The following PCMT1 variants were observed in gnomAD, a reference collection of about 807,000 sequenced individuals.
PCMT1 encodes protein-L-isoaspartate(D-aspartate) O-methyltransferase.
In PCMT1, 9 loss-of-function variants were observed where a neutral mutation model predicts 29.2. The ratio of observed to expected loss-of-function variants is 0.31; its 90% confidence interval spans 0.19 to 0.54. PCMT1 has a LOEUF of 0.54. Ranked by LOEUF, PCMT1 falls within the 20% of genes least tolerant of loss-of-function variation. The pLI is 0.95. For missense variants in PCMT1, 184 were observed against 282.2 expected, an observed-to-expected ratio of 0.65 and a Z score of 2.49; for synonymous variants, 98 against 97.5, an observed-to-expected ratio of 1.00 and a Z score of -0.03.
At chr6:149,806,616 GTC>G (rs1016547112) in intron 7 of PCMT1, among the ~76,000 whole-genome samples, 2 of 152,098 alleles carry the variant, frequency 1.3e-5, no homozygotes, top group African/African-American at 2.4e-5. Context: ...TTTTGATACA[GTC>G]TCTCTCTGTC....
chr6:149,774,536 GTC>G (rs1787474628), intron 3 of PCMT1, among the ~76,000 whole-genome samples: 1 of 111,670 alleles, frequency 9.0e-6, no homozygotes, highest in Non-Finnish European at 1.7e-5. Context: ...ACTGGGCCCA[GTC>G]TTTTTTTTTT....
chr6:149,793,401 A>G, intron 4 of PCMT1, 148 bp from the exon 5 acceptor site: 1 of 486,922 alleles, frequency 2.1e-6, no homozygotes, highest in Non-Finnish European at 3.2e-6. Context: ...AATTTATGAT[A>G]AACTGAGTGT....
rs542049163 is a variant in PCMT1, at chr6:149,764,127, GAA to G, written c.56-7034_56-7033del. 5.9e-5 allele frequency among the ~76,000 whole-genome samples: 9 copies of G among 152,286 alleles called. No individual in the cohort carries two copies. In the South Asian group the frequency reaches 1.9e-3, roughly 32 times the overall value. On this transcript the variant is annotated intron_variant, in intron 1 of 7. Transcript: ENST00000464889. ...GATTTGAATTAATTTCAGGGGAAAT[GAA>G]CCACTCAAGAATTATTTTGGGAAAT...
intron 7 of PCMT1, among the ~76,000 whole-genome samples, chr6:149,808,817 T>C (rs962175677): frequency 1.1e-4 from 16 of 151,784 alleles, no homozygotes; most frequent in African/African-American, 3.6e-4. Context: ...TTTGTATTTT[T>C]AGTAGAGACG....
intron 3 of PCMT1, among the ~76,000 whole-genome samples, chr6:149,782,752 A>T (rs1343657273): frequency 6.6e-6 from 1 of 152,168 alleles, no homozygotes; most frequent in Non-Finnish European, 1.5e-5. Context: ...GTCTATGGAG[A>T]CTTAAAAAAA....
intron 1 of PCMT1, among the ~76,000 whole-genome samples, chr6:149,765,165 C>T (rs1421417790): frequency 2.0e-5 from 3 of 151,140 alleles, no homozygotes; most frequent in African/African-American, 2.4e-5. Context: ...TCGAGACCAT[C>T]CTGGCTAACA....
At chr6:149,809,742 C>T (rs780426984) in intron 7 of PCMT1, among the ~76,000 whole-genome samples, 1 of 152,152 alleles carries the variant, frequency 6.6e-6, no homozygotes, top group Non-Finnish European at 1.5e-5. Context: ...TAAATCTCTT[C>T]ATCCAGAGTC....
intron 7 of PCMT1, among the ~76,000 whole-genome samples, chr6:149,804,096 A>AT (rs1775936678): frequency 6.6e-6 from 1 of 151,528 alleles, no homozygotes; most frequent in South Asian, 2.1e-4. Flanking sequence ...AAAAAAAAAA[A>AT]AAAAAAATTA....
chr6:149,795,133 C>T (rs1788546945), intron 5 of PCMT1: 2 of 314,240 alleles, frequency 6.4e-6, no homozygotes, highest in African/African-American at 4.5e-5. Context: ...GCGGAGGTTG[C>T]AGTGAGCTGA....
At chr6:149,794,432 A>G (rs1041261051) in intron 5 of PCMT1, among the ~76,000 whole-genome samples, 3 of 152,270 alleles carry the variant, frequency 2.0e-5, no homozygotes, top group Non-Finnish European at 1.5e-5. Flanking sequence ...AGCCTGACCA[A>G]CATGGTGAAA....
At chr6:149,780,545 TA>T (rs1371714784) in intron 3 of PCMT1, among the ~76,000 whole-genome samples, 1 of 152,208 alleles carries the variant, frequency 6.6e-6, no homozygotes, top group African/African-American at 2.4e-5. Context: ...TGGCAACTAC[TA>T]ATCTATTATT....
chr6:149,797,411 A>G (rs1788661153), intron 6 of PCMT1: 1 of 152,216 alleles, frequency 6.6e-6, no homozygotes, highest in Non-Finnish European at 1.5e-5. Context: ...ATGGCCGGGC[A>G]TGGTGGCTCA....
intron 3 of PCMT1, among the ~76,000 whole-genome samples, chr6:149,784,013 CAGTG>C (rs1255740449): frequency 1.3e-5 from 2 of 152,170 alleles, no homozygotes; most frequent in African/African-American, 4.8e-5. Context: ...TTAAATGAGT[CAGTG>C]TCCTGAAGAA....
rs1788298667 is a variant in PCMT1 at position 149,790,184 on chromosome 6, G to A, written c.297+126G>A. The A allele has an allele frequency of 4.8e-6, 3 of 620,422 alleles. No homozygotes were observed. The South Asian group carries it at 6.4e-5, about 13-fold the overall frequency. 38.4% of individuals were successfully genotyped at this position (620,422 alleles called of 1,614,324 possible). ...ATTCTATTAGGATAGCAGTTGGAAT[G>A]AGCATCACTTAGGATTTTGTTGTTG... On this transcript the variant is annotated intron_variant, in intron 4 of 7. Coordinates refer to ENST00000464889, the MANE Select transcript of PCMT1 (RefSeq NM_001360452.2).
At chr6:149,796,653 A>G (rs1442352744) in intron 6 of PCMT1, 153 bp downstream of exon 6, 1 of 538,946 alleles carries the variant, frequency 1.9e-6, no homozygotes, top group South Asian at 2.9e-5. Context: ...TTCTTTTTTC[A>G]TATGCAAACA....
chr6:149,762,828 A>ATATATC (rs1786857832), intron 1 of PCMT1, among the ~76,000 whole-genome samples: 1 of 53,844 alleles, frequency 1.9e-5, no homozygotes, highest in Non-Finnish European at 2.5e-5. Context: ...TCTATGATAT[A>ATATATC]TATGATATAT....
At chr6:149,808,295 T>C (rs1167470255) in intron 7 of PCMT1, among the ~76,000 whole-genome samples, 3 of 152,122 alleles carry the variant, frequency 2.0e-5, no homozygotes, top group African/African-American at 7.2e-5. Context: ...ATTTAGTACA[T>C]ACTATTTTTT....
chr6:149,761,335 T>G (rs1435648230), intron 1 of PCMT1, among the ~76,000 whole-genome samples: 1 of 152,084 alleles, frequency 6.6e-6, no homozygotes, highest in Non-Finnish European at 1.5e-5. Flanking sequence ...AGAATATTAA[T>G]TTTTAATCAA....
chr6:149,800,482 A>G (rs1775793590), intron 6 of PCMT1, among the ~76,000 whole-genome samples: 1 of 152,112 alleles, frequency 6.6e-6, no homozygotes. Context: ...ACAACAAAAA[A>G]CTACAACAAA....
Sources: allele counts gnomAD v4.1 joint callset (sites outside exome capture counted in the v4.1 genomes callset), GRCh38; gene constraint gnomAD v4.1.1; transcripts MANE v1.5; gene names NCBI Gene and HGNC (gene_info 2026-07-23, HGNC 2026-07-21).